MYOD1: variants seen among roughly 807,000 people sequenced by gnomAD.
The protein encoded by MYOD1 is myogenic differentiation 1.
In MYOD1, 15 loss-of-function variants were observed where a neutral mutation model predicts 14.9. The ratio of observed to expected loss-of-function variants is 1.01; its 90% CI spans 0.67 to 1.55. The LOEUF is 1.55. MYOD1 is among the 40% of genes most tolerant of loss of function. MYOD1 has a pLI of 0.00. For synonymous variants in MYOD1, 235 were observed against 218.6 expected (o/e 1.07, Z -0.66); for missense variants, 529 against 482.6 (o/e 1.10, Z -0.90).
chr11:17,721,814 C>T lies in MYOD1; in HGVS notation c.*306C>T, dbSNP rs1018556914. ...GCGCCCTCCCCCATGGGGGTGAGAC[C>T]CTCGCAGACCTAAGCCCTGCCCCGG... is the stretch of plus-strand genomic sequence containing the variant. On this transcript the variant is annotated 3_prime_UTR_variant, in exon 3 of 3. Coordinates refer to ENST00000250003, the MANE Select transcript of MYOD1 (RefSeq NM_002478.5). This position sits in a 1 kb window ranked among gnomAD's most constrained non-coding sequence, Gnocchi z 6.2. The T allele has an allele frequency of 2.4e-5, 9 of 382,904 alleles. No homozygotes were observed. The highest frequency in any genetic ancestry group is 4.2e-5 in the African/African-American group (2 of 48,110). 23.7% of individuals were successfully genotyped at this position (382,904 alleles called of 1,614,324 possible).
At chr11:17,720,444 T>G in intron 1 of MYOD1, 32 bp downstream of exon 1, 1 of 1,516,846 alleles carries the variant, frequency 6.6e-7, no homozygotes, top group Non-Finnish European at 8.7e-7. Context: ...GTGAGGAAGT[T>G]AGGGCGGCGC....
In MYOD1 at chr11:17,721,113, G is replaced by A; in HGVS notation, c.709+133G>A. Reference sequence around the variant, plus strand: ...AGTGGTGCAGGAGATGAAATACTAAGCAAGTAGCTCCCTGTCTTTTGGATT... The same window carrying A: ...AGTGGTGCAGGAGATGAAATACTAAACAAGTAGCTCCCTGTCTTTTGGATT... On this transcript the variant is annotated intron_variant, in intron 2 of 2. Coordinates refer to ENST00000250003, the MANE Select transcript of MYOD1 (RefSeq NM_002478.5). This position sits in a 1 kb window ranked among gnomAD's most constrained non-coding sequence, Gnocchi z 6.2. The A allele has an allele frequency of 2.8e-6, 4 of 1,417,930 alleles. No homozygotes were observed. Among genetic ancestry groups the A allele is most frequent in the Non-Finnish European group, 3.7e-6 (4 of 1,071,660 alleles). 87.8% of individuals were successfully genotyped at this position (1,417,930 alleles called of 1,614,324 possible). A position where few individuals can be genotyped will look rare whatever the true frequency, so the allele number is the denominator to read the frequency against.
In MYOD1 at chr11:17,719,757, G is replaced by C; in HGVS notation, c.-26G>C. The C allele has an allele frequency of 3.1e-6, 5 of 1,600,350 alleles. No individual in the cohort carries two copies. Among genetic ancestry groups the C allele is most frequent in the African/African-American group, 1.3e-5 (1 of 74,862 alleles). ...CTGCCGCTTGGGTTGGGCGAAGCCA[G>C]GACCGTGCCGCGCCACCGCCAGGAT... On this transcript the variant is annotated 5_prime_UTR_variant, in exon 1 of 3. Transcript: ENST00000250003.
chr11:17,721,118 T>G lies in MYOD1; in HGVS notation c.710-137T>G, dbSNP rs553268835. 7.0e-6 allele frequency: 10 copies of G among 1,419,210 alleles called. No homozygotes were observed. The South Asian group carries it at 1.3e-4, about 19-fold the overall frequency. The allele number at this position is 1,419,210 out of a possible 1,614,324, so 87.9% of individuals were successfully genotyped here. A position where few individuals can be genotyped will look rare whatever the true frequency, so the allele number is the denominator to read the frequency against. On this transcript the variant is annotated intron_variant, in intron 2 of 2. Coordinates refer to ENST00000250003, the MANE Select transcript of MYOD1 (RefSeq NM_002478.5). The surrounding 1 kb of genome is among the most constrained non-coding windows in gnomAD (Gnocchi z 6.2). ...TGCAGGAGATGAAATACTAAGCAAG[T>G]AGCTCCCTGTCTTTTGGATTGTCCC...
Position 17,721,509 on chromosome 11 carries a change from G to A in MYOD1, c.*1G>A, listed in dbSNP as rs1342328913. On this transcript the variant is annotated 3_prime_UTR_variant, in exon 3 of 3. Transcript: ENST00000250003. The surrounding 1 kb of genome is among the most constrained non-coding windows in gnomAD (Gnocchi z 6.2). ...CAACCCGATATACCAGGTGCTCTGA[G>A]GGGATGGTGGCCGCCCACCCGCCCG... 4 of 1,515,792 alleles carry A rather than the reference G, an allele frequency of 2.6e-6. No individual in the cohort carries two copies. In the South Asian group the frequency reaches 5.0e-5, roughly 19 times the overall value. 93.9% of individuals were successfully genotyped at this position (1,515,792 alleles called of 1,614,324 possible).
chr11:17,721,285 C>G lies in MYOD1; in HGVS notation c.740C>G (p.Ser247Trp). 4 of 1,575,168 alleles carry G rather than the reference C, an allele frequency of 2.5e-6. No homozygotes were observed. The highest frequency in any genetic ancestry group is 3.4e-6 in the Non-Finnish European group (4 of 1,162,080). The stretch of plus-strand genomic sequence containing the variant: ...AGGCCCGGGAAGAGTGCGGCGGTGT[C>G]GAGCCTAGACTGCCTGTCCAGCATC... ...EPRPGKSAAV[S>W]SLDCLSSIVE... Residue 247 changes from serine to tryptophan, a missense_variant, in exon 3 of 3, where the codon TCG becomes TGG. Transcript: ENST00000250003. This position sits in a 1 kb window ranked among gnomAD's most constrained non-coding sequence, Gnocchi z 6.2.
In MYOD1 at chr11:17,721,391, G is replaced by C; in HGVS notation, c.846G>C (p.Arg282Ser). 3 of 1,596,690 alleles carry C rather than the reference G, an allele frequency of 1.9e-6. No homozygotes were observed. The change falls in exon 3 of 3, where the codon AGG becomes AGC. Residue 282 changes from arginine (R) to serine (S), a missense_variant. Transcript: ENST00000250003. This position sits in a 1 kb window ranked among gnomAD's most constrained non-coding sequence, Gnocchi z 6.2. ...ADVPSESPPRRQEAAAPSEGE... is the reference protein window; with the variant it reads ...ADVPSESPPRSQEAAAPSEGE... ...TGCCTTCTGAGTCGCCTCCGCGCAG[G>C]CAAGAGGCTGCCGCCCCCAGCGAGG...
chr11:17,721,512 G>A lies in MYOD1; in HGVS notation c.*4G>A. 6.6e-7 allele frequency: 1 copy of A among 1,509,376 alleles called. No homozygotes were observed. The highest frequency in any genetic ancestry group is 2.2e-5 in the Admixed American group (1 of 46,246). 93.5% of individuals were successfully genotyped at this position (1,509,376 alleles called of 1,614,324 possible). The stretch of plus-strand genomic sequence containing the variant: ...CCCGATATACCAGGTGCTCTGAGGG[G>A]ATGGTGGCCGCCCACCCGCCCGAGG... On this transcript the variant is annotated 3_prime_UTR_variant, in exon 3 of 3. Transcript: ENST00000250003. The surrounding 1 kb of genome is among the most constrained non-coding windows in gnomAD (Gnocchi z 6.2).
Position 17,721,263 on chromosome 11 carries a change from C to A in MYOD1, c.718C>A (p.Pro240Thr). The A allele has an allele frequency of 6.4e-7, 1 of 1,559,448 alleles. No homozygotes were observed. The highest frequency in any genetic ancestry group is 8.7e-7 in the Non-Finnish European group (1 of 1,153,692). The stretch of plus-strand genomic sequence containing the variant: ...GAGCCCTCCCCGCGCAGAACCCAGG[C>A]CCGGGAAGAGTGCGGCGGTGTCGAG... ...YYNEAPSEPR[P>T]GKSAAVSSLD... The change falls in exon 3 of 3, where the codon CCC becomes ACC. Residue 240 changes from proline to threonine, a missense_variant. Pro to Thr is a conservative substitution (Grantham distance 38). Transcript: ENST00000250003. The surrounding 1 kb of genome is among the most constrained non-coding windows in gnomAD (Gnocchi z 6.2).
Position 17,719,618 on chromosome 11 carries a change from A to G in MYOD1, c.-165A>G. The G allele has an allele frequency of 1.1e-6, 1 of 904,866 alleles. No homozygotes were observed. Among genetic ancestry groups the G allele is most frequent in the Non-Finnish European group, 1.6e-6 (1 of 620,180 alleles). The allele number at this position is 904,866 out of a possible 1,614,324, so 56.1% of individuals were successfully genotyped here. A position where few individuals can be genotyped will look rare whatever the true frequency, so the allele number is the denominator to read the frequency against. ...GCTGCCGCCGCTTTCCTTAACCACA[A>G]ATCAGGCCGGACAGGAGAGGGAGGG... On this transcript the variant is annotated 5_prime_UTR_variant, in exon 1 of 3. Transcript: ENST00000250003.
intron 1 of MYOD1, 100 bp from the exon 2 acceptor site, chr11:17,720,802 G>C: frequency 7.6e-7 from 1 of 1,310,674 alleles, no homozygotes; most frequent in Non-Finnish European, 1.1e-6. Context: ...CCCGGAACTA[G>C]AGCCTTAGGC....
rs888590703 is a variant in MYOD1 at position 17,720,055 on chromosome 11, C to T, written c.273C>T (p.Gly91=). The T allele has an allele frequency of 1.9e-6, 3 of 1,571,936 alleles. No homozygotes were observed. The highest frequency in any genetic ancestry group is 2.6e-6 in the Non-Finnish European group (3 of 1,158,736). The change falls in exon 1 of 3, where the codon GGC becomes GGT. Residue 91 remains glycine, a synonymous_variant. Coordinates refer to ENST00000250003, the MANE Select transcript of MYOD1 (RefSeq NM_002478.5). ...VRAPSGHHQA[G]RCLLWACKAC... ...CGCCCAGCGGGCACCACCAGGCGGG[C>T]CGCTGCCTACTGTGGGCCTGCAAGG... is the stretch of plus-strand genomic sequence containing the variant.
Position 17,719,789 on chromosome 11 carries a change from CTA to C in MYOD1, c.8_9del (p.Leu3ProfsTer28). On this transcript the variant is annotated frameshift_variant, in exon 1 of 3. Coordinates refer to ENST00000250003, the MANE Select transcript of MYOD1 (RefSeq NM_002478.5). LOFTEE classifies it high-confidence loss of function. ME[L>X]LSPPLRDVDL... ...GCCGCGCCACCGCCAGGATATGGAGCTACTGTCGCCACCGCTCCGCGACGTAG... is the reference window on the plus strand; with the variant it reads ...GCCGCGCCACCGCCAGGATATGGAGCCTGTCGCCACCGCTCCGCGACGTAG... 1 of 1,612,410 alleles carries C rather than the reference CTA, an allele frequency of 6.2e-7. No homozygotes were observed. The highest frequency in any genetic ancestry group is 8.5e-7 in the Non-Finnish European group (1 of 1,179,492).
rs376238291 is a variant in MYOD1, at chr11:17,720,992, G to A, written c.709+12G>A. On this transcript the variant is annotated intron_variant, in intron 2 of 2. Coordinates refer to ENST00000250003, the MANE Select transcript of MYOD1 (RefSeq NM_002478.5). ...CGAGGCGCCCAGCGGTGGGTATTCC[G>A]GGCCTCTCCCTGCTCGCTCCTCCTC... The A allele has an allele frequency of 6.3e-7, 1 of 1,576,410 alleles. No homozygotes were observed. The highest frequency in any genetic ancestry group is 8.6e-7 in the Non-Finnish European group (1 of 1,162,046).
Position 17,721,137 on chromosome 11 carries a change from T to C in MYOD1, c.710-118T>C. 1 of 1,428,812 alleles carries C rather than the reference T, an allele frequency of 7.0e-7. No homozygotes were observed. The highest frequency in any genetic ancestry group is 1.5e-5 in the South Asian group (1 of 67,002). 88.5% of individuals were successfully genotyped at this position (1,428,812 alleles called of 1,614,324 possible). A position where few individuals can be genotyped will look rare whatever the true frequency, so the allele number is the denominator to read the frequency against. On this transcript the variant is annotated intron_variant, in intron 2 of 2. Coordinates refer to ENST00000250003, the MANE Select transcript of MYOD1 (RefSeq NM_002478.5). The surrounding 1 kb of genome is among the most constrained non-coding windows in gnomAD (Gnocchi z 6.2). ...AGCAAGTAGCTCCCTGTCTTTTGGA[T>C]TGTCCCGGACTCTAACTAAAGTCCT...
chr11:17,721,233 T>C lies in MYOD1; in HGVS notation c.710-22T>C. 6.6e-7 allele frequency: 1 copy of C among 1,512,488 alleles called. No individual in the cohort carries two copies. The allele number at this position is 1,512,488 out of a possible 1,614,324, so 93.7% of individuals were successfully genotyped here. On this transcript the variant is annotated intron_variant, in intron 2 of 2. Coordinates refer to ENST00000250003, the MANE Select transcript of MYOD1 (RefSeq NM_002478.5). The surrounding 1 kb of genome is among the most constrained non-coding windows in gnomAD (Gnocchi z 6.2). ...TTGTCGCGGCCCCACCCCTGCTTAC[T>C]AACCGAGCCCTCCCCGCGCAGAACC...
chr11:17,720,767 C>A, intron 1 of MYOD1, 135 bp from the exon 2 acceptor site: 1 of 955,444 alleles, frequency 1.0e-6, no homozygotes, highest in Non-Finnish European at 1.6e-6. Context: ...CCCGTAATTA[C>A]CCCCCCAACC....
chr11:17,719,631 A>T lies in MYOD1; in HGVS notation c.-152A>T. ...TCCTTAACCACAAATCAGGCCGGAC[A>T]GGAGAGGGAGGGGTGGGGGACAGTG... On this transcript the variant is annotated 5_prime_UTR_variant, in exon 1 of 3. Coordinates refer to ENST00000250003, the MANE Select transcript of MYOD1 (RefSeq NM_002478.5). 1 of 941,796 alleles carries T rather than the reference A, an allele frequency of 1.1e-6. No homozygotes were observed. The highest frequency in any genetic ancestry group is 1.5e-6 in the Non-Finnish European group (1 of 652,630). 58.3% of individuals were successfully genotyped at this position (941,796 alleles called of 1,614,324 possible). A position where few individuals can be genotyped will look rare whatever the true frequency, so the allele number is the denominator to read the frequency against.
rs1848632968 is a variant in MYOD1, at chr11:17,721,062, C to A, written c.709+82C>A. 5.6e-6 allele frequency: 8 copies of A among 1,428,286 alleles called. No individual in the cohort carries two copies. The highest frequency in any genetic ancestry group is 7.4e-6 in the Non-Finnish European group (8 of 1,074,340). 88.5% of individuals were successfully genotyped at this position (1,428,286 alleles called of 1,614,324 possible). Reference sequence around the variant, plus strand: ...CCTCTATCTAGGACGCTCCCACCCCCACTCACACACGCCTATGTCCTGGGA... The same window carrying A: ...CCTCTATCTAGGACGCTCCCACCCCAACTCACACACGCCTATGTCCTGGGA... On this transcript the variant is annotated intron_variant, in intron 2 of 2. Transcript: ENST00000250003. The surrounding 1 kb of genome is among the most constrained non-coding windows in gnomAD (Gnocchi z 6.2).
Sources: gnomAD v4.1 joint callset for allele counts on GRCh38, gnomAD v4.1.1 for gene constraint, Gnocchi (gnomAD v3.1) non-coding constraint, MANE v1.5 for transcripts, NCBI Gene and HGNC (gene_info 2026-07-23, HGNC 2026-07-21) for gene names.